ALK: variants seen among roughly 807,000 people sequenced by gnomAD.
ALK encodes ALK receptor tyrosine kinase.
ALK carries 74 observed loss-of-function variants against 163.1 expected under a neutral mutation model. The observed-to-expected ratio is 0.45, with a 90% CI of 0.38 to 0.55. The LOEUF (loss-of-function observed/expected upper bound fraction) is 0.55. ALK is among the 20% of genes least tolerant of loss of function. ALK has a pLI of 0.00. For missense variants in ALK, 2,063 were observed against 2,105.3 expected, an observed-to-expected ratio of 0.98 and a Z score of 0.39; for synonymous variants, 960 against 843.2, an observed-to-expected ratio of 1.14 and a Z score of -2.40.
intron 5 of ALK, among the ~76,000 whole-genome samples, chr2:29,342,877 C>CTTTTT (rs57838065): frequency 1.5e-3 from 137 of 90,410 alleles, no homozygotes; most frequent in Non-Finnish European, 1.9e-3. Flanking sequence ...GCTCAGTGAT[C>CTTTTT]TTTTTTTTTT....
intron 11 of ALK, among the ~76,000 whole-genome samples, chr2:29,269,475 C>T (rs1405420116): frequency 6.6e-6 from 1 of 152,190 alleles, no homozygotes; most frequent in Non-Finnish European, 1.5e-5. Context: ...TTCTTTGCCA[C>T]CTCTCTTCCT....
At chr2:29,600,498 A>G (rs1298536178) in intron 3 of ALK, among the ~76,000 whole-genome samples, 1 of 152,232 alleles carries the variant, frequency 6.6e-6, no homozygotes, top group African/African-American at 2.4e-5. Flanking sequence ...TATGTGGGAA[A>G]CAAAATGCTG....
chr2:29,648,243 A>T (rs566670984), intron 3 of ALK, among the ~76,000 whole-genome samples: 1 of 152,212 alleles, frequency 6.6e-6, no homozygotes, highest in South Asian at 2.1e-4. Context: ...TTGAAAAATC[A>T]GTTAGTACTC....
At chr2:29,704,168 T>A (rs1678830668) in intron 2 of ALK, among the ~76,000 whole-genome samples, 1 of 152,210 alleles carries the variant, frequency 6.6e-6, no homozygotes, top group Admixed American at 6.5e-5. Flanking sequence ...TTTAGAGAGA[T>A]CTACACGTAA....
At chr2:29,325,223 AGCTGCAGTGTGAACACCT>A (rs1343529788) in intron 6 of ALK, among the ~76,000 whole-genome samples, 1 of 152,136 alleles carries the variant, frequency 6.6e-6, no homozygotes, top group Non-Finnish European at 1.5e-5. Context: ...TTCCTAACAG[AGCTGCAGTGTGAACACCT>A]GCTCAGAGGA....
chr2:29,805,773 TG>T (rs1664593811), intron 1 of ALK, among the ~76,000 whole-genome samples: 1 of 152,230 alleles, frequency 6.6e-6, no homozygotes, highest in Admixed American at 6.5e-5. Flanking sequence ...TTCCATGTCT[TG>T]GCTATTGTGA....
chr2:29,441,064 C>T (rs982175188), intron 4 of ALK, among the ~76,000 whole-genome samples: 5 of 152,168 alleles, frequency 3.3e-5, no homozygotes, highest in Non-Finnish European at 5.9e-5. Context: ...CCCTGCAGGC[C>T]GGGTCTGGCC....
At chr2:29,296,083 GA>G (rs1666168511) in intron 9 of ALK, among the ~76,000 whole-genome samples, 2 of 152,194 alleles carry the variant, frequency 1.3e-5, no homozygotes, top group African/African-American at 2.4e-5. Flanking sequence ...AAGTGGCAGT[GA>G]ACACTCCATG....
At chr2:29,383,896 G>A (rs752165258) in intron 4 of ALK, 37 bp from the exon 5 acceptor site, 2 of 1,613,628 alleles carry the variant, frequency 1.2e-6, no homozygotes, top group Non-Finnish European at 1.7e-6. Flanking sequence ...AAAGCATAGA[G>A]AAACAGATAT....
At chr2:29,724,965 C>T (rs943595648) in intron 1 of ALK, among the ~76,000 whole-genome samples, 7 of 152,046 alleles carry the variant, frequency 4.6e-5, no homozygotes, top group Non-Finnish European at 1.0e-4. Flanking sequence ...ATAGCTTCAG[C>T]ATGCATTTCC....
At position 29,916,741 on chromosome 2, in the gene ALK, T is replaced by C. The variant is rs1406311664; in HGVS notation, c.667+3252A>G. On this transcript the variant is annotated intron_variant, in intron 1 of 28. Transcript: ENST00000389048. ...AATAGGCCTCCTATCCCATGAGTCA[T>C]CATCCCCTAGCCCTCTGCCTGGGTG... 2.0e-5 allele frequency among the ~76,000 whole-genome samples: 3 copies of C among 152,174 alleles called. No individual in the cohort carries two copies. In the East Asian group the frequency reaches 5.8e-4, roughly 29 times the overall value.
intron 1 of ALK, among the ~76,000 whole-genome samples, 183 bp from the exon 2 acceptor site, chr2:29,717,880 C>T (rs1679309566): frequency 6.6e-6 from 1 of 152,184 alleles, no homozygotes. Context: ...TGTACATTTT[C>T]TATCAAGGGC....
intron 27 of ALK, 29 bp from the exon 28 acceptor site, chr2:29,196,889 AAGG>A: frequency 6.5e-7 from 1 of 1,532,096 alleles, no homozygotes; most frequent in Non-Finnish European, 9.0e-7. Context: ...TAATTAAAAT[AAGG>A]AGAAGCACAA....
intron 5 of ALK, among the ~76,000 whole-genome samples, chr2:29,342,225 G>A (rs1198545931): frequency 1.3e-5 from 2 of 152,208 alleles, no homozygotes; most frequent in Non-Finnish European, 2.9e-5. Context: ...AAATGGTGTG[G>A]CTGATATGGA....
In ALK at chr2:29,192,958, G is replaced by C. The variant is rs528304221; in HGVS notation, c.*266C>G. On this transcript the variant is annotated 3_prime_UTR_variant, in exon 29 of 29. Transcript: ENST00000389048. Reference sequence around the variant, plus strand: ...GCATAAGGAAGTATACAACAAACATGCATAAAAACCTTATGCAACCACATC... The same window carrying C: ...GCATAAGGAAGTATACAACAAACATCCATAAAAACCTTATGCAACCACATC... 29 of 498,506 alleles carry C rather than the reference G, an allele frequency of 5.8e-5. No homozygotes were observed. The South Asian group carries it at 5.8e-4, about 10-fold the overall frequency. 30.9% of individuals were successfully genotyped at this position (498,506 alleles called of 1,614,324 possible). A position where few individuals can be genotyped will look rare whatever the true frequency, so the allele number is the denominator to read the frequency against.
At chr2:29,574,782 C>T (rs1674477358) in intron 3 of ALK, among the ~76,000 whole-genome samples, 1 of 152,180 alleles carries the variant, frequency 6.6e-6, no homozygotes, top group Non-Finnish European at 1.5e-5. Context: ...TGCTTAGGTA[C>T]TTGGGGAGGT....
At chr2:29,892,029 TG>T (rs983471252) in intron 1 of ALK, among the ~76,000 whole-genome samples, 6 of 152,198 alleles carry the variant, frequency 3.9e-5, no homozygotes, top group African/African-American at 1.4e-4. Context: ...CCATGCCCTT[TG>T]AGGCACACCC....
At chr2:29,269,943 C>A (rs1021038024) in intron 11 of ALK, among the ~76,000 whole-genome samples, 2 of 152,216 alleles carry the variant, frequency 1.3e-5, no homozygotes, top group Non-Finnish European at 2.9e-5. Context: ...GGGGCACCGT[C>A]TTGAATGTTA....
intron 12 of ALK, among the ~76,000 whole-genome samples, chr2:29,249,202 C>G (rs1006538327): frequency 6.6e-6 from 1 of 152,188 alleles, no homozygotes; most frequent in Non-Finnish European, 1.5e-5. Context: ...GAGAGTTTGT[C>G]CCCCTCTGTG....
Sources: allele counts gnomAD v4.1 joint callset (sites outside exome capture counted in the v4.1 genomes callset), GRCh38; gene constraint gnomAD v4.1.1; transcripts MANE v1.5; gene names NCBI Gene and HGNC (gene_info 2026-07-23, HGNC 2026-07-21).